Variants in ABTB2 observed in about 807,000 individuals in gnomAD.
ABTB2 encodes the protein ankyrin repeat and BTB domain containing 2, also known as ankyrin repeat and BTB/POZ domain-containing protein 2.
ABTB2 carries 56 observed loss-of-function variants against 104.1 expected under a neutral mutation model. The observed-to-expected ratio is 0.54, with a 90% CI of 0.43 to 0.67. The LOEUF (loss-of-function observed/expected upper bound fraction) is 0.67. Ranked by LOEUF, ABTB2 falls within the 30% of genes least tolerant of loss-of-function variation. The pLI, the probability that ABTB2 is intolerant of heterozygous loss-of-function variation, is 0.00. For synonymous variants in ABTB2, 606 were observed against 608.2 expected (o/e 1.00, Z 0.05); for missense variants, 1,279 against 1,407.7 (o/e 0.91, Z 1.46).
At chr11:34,340,493 G>A (rs1855250130) in intron 1 of ABTB2, among the ~76,000 whole-genome samples, 1 of 152,156 alleles carries the variant, frequency 6.6e-6, no homozygotes, top group South Asian at 2.1e-4. Flanking sequence ...AGTGACTGGG[G>A]GAGTCAAGGT....
intron 1 of ABTB2, among the ~76,000 whole-genome samples, chr11:34,249,435 G>A (rs1854027784): frequency 6.6e-6 from 1 of 152,210 alleles, no homozygotes; most frequent in Non-Finnish European, 1.5e-5. Flanking sequence ...AAGTAGCTTT[G>A]ACAAGAATAT....
intron 1 of ABTB2, among the ~76,000 whole-genome samples, chr11:34,207,030 G>T (rs887253216): frequency 6.6e-6 from 1 of 152,216 alleles, no homozygotes; most frequent in African/African-American, 2.4e-5. Context: ...CAGGGCCCCA[G>T]TCCCTAAAGC....
intron 1 of ABTB2, among the ~76,000 whole-genome samples, chr11:34,253,670 C>T (rs1565151983): frequency 2.1e-5 from 3 of 143,602 alleles, no homozygotes; most frequent in Admixed American, 6.8e-5. Context: ...AGCGAGATTC[C>T]GTCTCAAAAA....
chr11:34,249,858 G>A lies in ABTB2; in HGVS notation c.884-45168C>T, dbSNP rs192803581. Among the ~76,000 whole-genome samples, 367 of 152,308 alleles carry A rather than the reference G, an allele frequency of 2.4e-3. 2 individuals carry two copies. The highest frequency in any genetic ancestry group is 8.3e-3 in the African/African-American group (346 of 41,566). The stretch of plus-strand genomic sequence containing the variant: ...ACTCTATAACATCAGGAGGGCTGAA[G>A]AAGCCCAGTTCACAGTCCTGTTCTC... On this transcript the variant is annotated intron_variant, in intron 1 of 16. Coordinates refer to ENST00000435224, the MANE Select transcript of ABTB2 (RefSeq NM_145804.3).
At chr11:34,319,927 C>T (rs943627199) in intron 1 of ABTB2, among the ~76,000 whole-genome samples, 1 of 152,140 alleles carries the variant, frequency 6.6e-6, no homozygotes, top group Non-Finnish European at 1.5e-5. Context: ...CTCGGCCTCC[C>T]AAAGGGCTAG....
At chr11:34,268,869 C>G (rs1565155217) in intron 1 of ABTB2, among the ~76,000 whole-genome samples, 1 of 152,204 alleles carries the variant, frequency 6.6e-6, no homozygotes, top group Non-Finnish European at 1.5e-5. Context: ...ACTCTAAGGA[C>G]ACCAGGCATG....
Position 34,154,784 on chromosome 11 carries a change from G to A in ABTB2, c.2698-15C>T, listed in dbSNP as rs755997263. The A allele has an allele frequency of 1.2e-6, 2 of 1,613,690 alleles. No homozygotes were observed. The highest frequency in any genetic ancestry group is 1.7e-5 in the Admixed American group (1 of 60,006). On this transcript the variant is annotated splice_polypyrimidine_tract_variant and intron_variant, in intron 14 of 16. Transcript: ENST00000435224. The surrounding 1 kb of genome is among the most constrained non-coding windows in gnomAD (Gnocchi z 4.9). The stretch of plus-strand genomic sequence containing the variant: ...TGCATCATCATCTGTGGTGGGAAGA[G>A]GCCCATGTGAATGCCACGTGAACCT...
chr11:34,304,559 G>T (rs528418309), intron 1 of ABTB2, among the ~76,000 whole-genome samples: 4 of 152,136 alleles, frequency 2.6e-5, no homozygotes, highest in Non-Finnish European at 4.4e-5. Flanking sequence ...AGGGGCTCAC[G>T]CCTGTAATCC....
chr11:34,247,090 G>A (rs186355305), intron 1 of ABTB2, among the ~76,000 whole-genome samples: 7 of 152,050 alleles, frequency 4.6e-5, no homozygotes, highest in East Asian at 3.9e-4. Flanking sequence ...CAGGTGATCC[G>A]CCCACCTCAG....
intron 1 of ABTB2, among the ~76,000 whole-genome samples, chr11:34,326,118 G>A (rs1206833265): frequency 6.6e-6 from 1 of 151,852 alleles, no homozygotes; most frequent in African/African-American, 2.4e-5. Flanking sequence ...ACTCTAATAG[G>A]CTAGCAGTCT....
chr11:34,303,362 G>A (rs1449922595), intron 1 of ABTB2, among the ~76,000 whole-genome samples: 1 of 152,138 alleles, frequency 6.6e-6, no homozygotes, highest in Non-Finnish European at 1.5e-5. Flanking sequence ...AGTCAAGCAT[G>A]TTTTACTTTA....
intron 2 of ABTB2, 87 bp from the exon 3 acceptor site, chr11:34,197,625 T>C (rs1156848470): frequency 2.0e-6 from 2 of 999,568 alleles, no homozygotes; most frequent in Non-Finnish European, 2.9e-6. Context: ...TCCAAGGATG[T>C]TCCTGGCTGA....
At chr11:34,282,815 AGCCACCGT>A (rs981352086) in intron 1 of ABTB2, among the ~76,000 whole-genome samples, 6 of 152,198 alleles carry the variant, frequency 3.9e-5, no homozygotes, top group Non-Finnish European at 8.8e-5. Flanking sequence ...TACAAGCATG[AGCCACCGT>A]GCCTGGCCTT....
intron 1 of ABTB2, among the ~76,000 whole-genome samples, chr11:34,270,123 G>A (rs1478837007): frequency 6.6e-6 from 1 of 152,178 alleles, no homozygotes; most frequent in Non-Finnish European, 1.5e-5. Context: ...TCAGCATGTA[G>A]TTCCCCCAAT....
At chr11:34,341,451 G>A (rs528502425) in intron 1 of ABTB2, among the ~76,000 whole-genome samples, 8 of 152,252 alleles carry the variant, frequency 5.3e-5, no homozygotes, top group African/African-American at 1.2e-4. Flanking sequence ...GGCCCCAAGC[G>A]ACCCACCACT....
At position 34,356,585 on chromosome 11, in the gene ABTB2, T is replaced by C. The variant is rs1334956554; in HGVS notation, c.883+116A>G. 2 of 1,359,122 alleles carry C rather than the reference T, an allele frequency of 1.5e-6. No individual in the cohort carries two copies. The highest frequency in any genetic ancestry group is 1.5e-5 in the South Asian group (1 of 65,408). The allele number at this position is 1,359,122 out of a possible 1,614,324, so 84.2% of individuals were successfully genotyped here. On this transcript the variant is annotated intron_variant, in intron 1 of 16. Coordinates refer to ENST00000435224, the MANE Select transcript of ABTB2 (RefSeq NM_145804.3). This position sits in a 1 kb window ranked among gnomAD's most constrained non-coding sequence, Gnocchi z 4.6. ...GAACCCTATCCTCAGACCAAACGTT[T>C]TCTCCCAAAGAACTGGCACAGCCAC...
At chr11:34,275,453 G>C (rs1854371987) in intron 1 of ABTB2, among the ~76,000 whole-genome samples, 1 of 152,132 alleles carries the variant, frequency 6.6e-6, no homozygotes, top group Non-Finnish European at 1.5e-5. Flanking sequence ...ACCATGGCAT[G>C]TCACATGCCT....
At chr11:34,290,628 G>C (rs1172039051) in intron 1 of ABTB2, among the ~76,000 whole-genome samples, 1 of 152,114 alleles carries the variant, frequency 6.6e-6, no homozygotes. Context: ...GATTGCCTGA[G>C]GCCAGGAGTT....
At position 34,197,548 on chromosome 11, in the gene ABTB2, G is replaced by T. The variant is rs544015301; in HGVS notation, c.1031-10C>A. On this transcript the variant is annotated splice_polypyrimidine_tract_variant and intron_variant, in intron 2 of 16. Transcript: ENST00000435224. ...CGGGAGACCAAGTCACCTGGTGGGG[G>T]GCGGGGAGGGCAGAGGGGAGGAAGA... 3,035 of 1,547,362 alleles carry T rather than the reference G, an allele frequency of 2.0e-3. 69 individuals carry two copies. In the South Asian group the frequency reaches 0.034, roughly 17 times the overall value.
Sources: allele counts gnomAD v4.1 joint callset (sites outside exome capture counted in the v4.1 genomes callset), GRCh38; gene constraint gnomAD v4.1.1; non-coding constraint Gnocchi (gnomAD v3.1); transcripts MANE v1.5; gene names NCBI Gene and HGNC (gene_info 2026-07-23, HGNC 2026-07-21).